The following UNC13C variants were observed in gnomAD, a reference collection of about 807,000 sequenced individuals.
UNC13C encodes the protein protein unc-13 homolog C.
A neutral mutation model predicts 245.4 loss-of-function variants in UNC13C; 174 were observed. That is an observed-to-expected ratio of 0.71 (90% CI 0.63 to 0.80). The LOEUF (loss-of-function observed/expected upper bound fraction) is 0.80. Ranked by LOEUF, UNC13C falls within the 30% of genes least tolerant of loss-of-function variation. The pLI is 0.00. For synonymous variants in UNC13C, 992 were observed against 895.1 expected, an observed-to-expected ratio of 1.11 and a Z score of -1.93; for missense variants, 2,829 against 2,602.9, an observed-to-expected ratio of 1.09 and a Z score of -1.89.
chr15:54,263,599 C>T (rs1306780017), intron 8 of UNC13C, among the ~76,000 whole-genome samples: 1 of 152,090 alleles, frequency 6.6e-6, no homozygotes, highest in South Asian at 2.1e-4. Flanking sequence ...AAAGAGAGTT[C>T]GAGTCGGTGT....
chr15:53,924,633 G>C, the UNC13C span, among the ~76,000 whole-genome samples: 1 of 152,082 alleles, frequency 6.6e-6, no homozygotes, highest in East Asian at 1.9e-4. Flanking sequence ...AAATAATTAT[G>C]TAATTTACTC....
chr15:54,057,711 G>A (rs1374565207), intron 2 of UNC13C, among the ~76,000 whole-genome samples: 1 of 152,174 alleles, frequency 6.6e-6, no homozygotes, highest in African/African-American at 2.4e-5. Context: ...ACAGTTGGAA[G>A]TAAAGCACTC....
intron 13 of UNC13C, among the ~76,000 whole-genome samples, chr15:54,301,739 T>C (rs1312479993): frequency 6.6e-6 from 1 of 152,104 alleles, no homozygotes; most frequent in East Asian, 1.9e-4. Flanking sequence ...AACAGTGCTG[T>C]GATAAACATA....
intron 2 of UNC13C, among the ~76,000 whole-genome samples, chr15:54,136,602 G>A (rs1385855100): frequency 6.6e-6 from 1 of 152,036 alleles, no homozygotes; most frequent in Non-Finnish European, 1.5e-5. Flanking sequence ...AACGATGAGA[G>A]TGGGAGCCCT....
intron 10 of UNC13C, among the ~76,000 whole-genome samples, chr15:54,272,559 C>A (rs1366914597): frequency 6.6e-6 from 1 of 152,078 alleles, no homozygotes; most frequent in Non-Finnish European, 1.5e-5. Flanking sequence ...GAAGATGGTT[C>A]CACAGTTTCT....
At chr15:54,289,062 C>G (rs1423576140) in intron 10 of UNC13C, among the ~76,000 whole-genome samples, 1 of 152,066 alleles carries the variant, frequency 6.6e-6, no homozygotes, top group African/African-American at 2.4e-5. Context: ...ACTTAGAAGC[C>G]TCTGCTTGTA....
chr15:54,434,642 C>T (rs759440135), intron 19 of UNC13C, among the ~76,000 whole-genome samples: 8 of 152,118 alleles, frequency 5.3e-5, no homozygotes, highest in South Asian at 2.1e-4. Context: ...TAGAAGAAAA[C>T]GTAGGCAATA....
chr15:54,133,497 A>T (rs1333900954), intron 2 of UNC13C, among the ~76,000 whole-genome samples: 1 of 152,166 alleles, frequency 6.6e-6, no homozygotes, highest in African/African-American at 2.4e-5. Flanking sequence ...ACTTACTTTA[A>T]TCCCATTTAT....
intron 2 of UNC13C, among the ~76,000 whole-genome samples, chr15:54,126,445 C>T (rs1470370053): frequency 6.6e-6 from 1 of 151,944 alleles, no homozygotes; most frequent in Non-Finnish European, 1.5e-5. Context: ...TGAATATGCA[C>T]CAAATAAAAA....
At chr15:53,902,976 C>A in the UNC13C span, among the ~76,000 whole-genome samples, 1 of 152,148 alleles carries the variant, frequency 6.6e-6, no homozygotes. Flanking sequence ...AATGCTGGGA[C>A]ATAGTTTCTG....
rs768570517 is a variant in UNC13C at position 54,264,337 on chromosome 15, G to A, written c.3618G>A (p.Ala1206=). The A allele has an allele frequency of 3.0e-5, 48 of 1,606,414 alleles. No individual in the cohort carries two copies. The highest frequency in any genetic ancestry group is 2.7e-4 in the East Asian group (12 of 44,720). The stretch of plus-strand genomic sequence containing the variant: ...AAGATTTTGTGCAGTTTACAAAGGC[G>A]GCCAAACAGAGTGTACTGGATGGGA... ...SKEDFVQFTK[A]AKQSVLDGTS... is the part of the protein sequence containing the mutation. The change falls in exon 9 of 33, where the codon GCG becomes GCA. Residue 1206 remains alanine, a synonymous_variant. Transcript: ENST00000260323.
the UNC13C span, among the ~76,000 whole-genome samples, chr15:53,946,054 T>C: frequency 1.3e-5 from 2 of 152,124 alleles, no homozygotes; most frequent in Non-Finnish European, 2.9e-5. Flanking sequence ...GGTGGTGTAT[T>C]GGAATGCTAG....
At chr15:54,114,321 C>G (rs2030058279) in intron 2 of UNC13C, among the ~76,000 whole-genome samples, 1 of 152,054 alleles carries the variant, frequency 6.6e-6, no homozygotes, top group Admixed American at 6.6e-5. Flanking sequence ...TGTCCTATAT[C>G]CTTCCTTCCT....
intron 17 of UNC13C, among the ~76,000 whole-genome samples, chr15:54,357,716 AG>A (rs1242968865): frequency 6.6e-6 from 1 of 152,102 alleles, no homozygotes; most frequent in Non-Finnish European, 1.5e-5. Context: ...TGAGAAATCC[AG>A]GGGAAAAATA....
At chr15:53,906,868 G>A in the UNC13C span, among the ~76,000 whole-genome samples, 1 of 152,182 alleles carries the variant, frequency 6.6e-6, no homozygotes, top group Non-Finnish European at 1.5e-5. Flanking sequence ...TCACATGGTG[G>A]CAGGAGAGAA....
intron 7 of UNC13C, among the ~76,000 whole-genome samples, chr15:54,241,437 T>C (rs963532822): frequency 1.3e-5 from 2 of 152,116 alleles, no homozygotes. Context: ...GCTGTAGGCT[T>C]ACAGCACACC....
At chr15:54,629,206 G>A (rs996256696), downstream of UNC13C, 1 of 111,426 alleles carries the variant, frequency 9.0e-6, no homozygotes, top group African/African-American at 7.4e-5. Context: ...AATACTACAT[G>A]TTTGTTATCA....
intron 10 of UNC13C, among the ~76,000 whole-genome samples, chr15:54,265,802 A>G (rs1303705252): frequency 1.3e-5 from 2 of 151,980 alleles, no homozygotes; most frequent in African/African-American, 4.8e-5. Flanking sequence ...ATGACCCAAC[A>G]TAGCCAGAAA....
At chr15:53,973,125 T>C in the UNC13C span, among the ~76,000 whole-genome samples, 6 of 152,244 alleles carry the variant, frequency 3.9e-5, no homozygotes, top group African/African-American at 1.4e-4. Flanking sequence ...AAATAGCATA[T>C]GGCCATACAG....
Sources: allele counts gnomAD v4.1 joint callset (sites outside exome capture counted in the v4.1 genomes callset), GRCh38; gene constraint gnomAD v4.1.1; transcripts MANE v1.5; gene names NCBI Gene and HGNC (gene_info 2026-07-23, HGNC 2026-07-21).